Variants in IRX4 observed in about 807,000 individuals in gnomAD.
The protein encoded by IRX4 is iroquois homeobox 4.
Under a neutral mutation model 32.0 loss-of-function variants are expected in IRX4, and 22 were observed. That is an observed-to-expected ratio of 0.69 (90% CI 0.49 to 0.98). The LOEUF is 0.98. IRX4 is among the 50% of genes least tolerant of loss of function. IRX4 has a pLI of 0.00. For missense variants in IRX4, 840 were observed against 744.2 expected, an observed-to-expected ratio of 1.13 and a Z score of -1.50; for synonymous variants, 379 against 351.7, an observed-to-expected ratio of 1.08 and a Z score of -0.87.
At chr5:1,881,462 T>C (rs1336390124) in intron 2 of IRX4, among the ~76,000 whole-genome samples, 1 of 148,208 alleles carries the variant, frequency 6.7e-6, no homozygotes, top group African/African-American at 2.5e-5. Flanking sequence ...GCCAGGAGCC[T>C]GAAGGAGGCG....
At position 1,882,654 on chromosome 5, in the gene IRX4, C is replaced by T. The variant is rs994684778; in HGVS notation, c.-7G>A. 6.5e-6 allele frequency: 9 copies of T among 1,390,920 alleles called. No individual in the cohort carries two copies. In the Admixed American group the frequency reaches 2.5e-4, roughly 39 times the overall value. 86.2% of individuals were successfully genotyped at this position (1,390,920 alleles called of 1,614,324 possible). On this transcript the variant is annotated 5_prime_UTR_variant, in exon 1 of 5. Coordinates refer to ENST00000231357, the MANE Select transcript of IRX4 (RefSeq NM_016358.3). ...CAAACTGCGGGTAGGACATGGCGGGCGCGGCCCGGGGCGGACGGGCGGGGC... is the reference window on the plus strand; with the variant it reads ...CAAACTGCGGGTAGGACATGGCGGGTGCGGCCCGGGGCGGACGGGCGGGGC...
rs1362711623 is a variant in IRX4, at chr5:1,882,037, A to G, written c.68T>C (p.Leu23Pro). Residue 23 changes from leucine (L) to proline (P), a missense_variant, in exon 2 of 5, where the codon CTG becomes CCG. Transcript: ENST00000231357. Reference protein sequence around the residue: ...APQFLMATNSLSTCCESGGRT... With the variant: ...APQFLMATNSPSTCCESGGRT... ...GCCTCCGGACTCGCAGCACGTGCTC[A>G]GGGAGTTGGTGGCCATCAAGAACTG... The G allele has an allele frequency of 1.3e-6, 2 of 1,552,642 alleles. No homozygotes were observed. The highest frequency in any genetic ancestry group is 1.9e-5 in the Admixed American group (1 of 51,282).
In IRX4 at chr5:1,877,948, T is replaced by A; in HGVS notation, c.*21A>T. 3 of 1,493,840 alleles carry A rather than the reference T, an allele frequency of 2.0e-6. No individual in the cohort carries two copies. Among genetic ancestry groups the A allele is most frequent in the Non-Finnish European group, 2.7e-6 (3 of 1,125,030 alleles). The allele number at this position is 1,493,840 out of a possible 1,614,324, so 92.5% of individuals were successfully genotyped here. A position where few individuals can be genotyped will look rare whatever the true frequency, so the allele number is the denominator to read the frequency against. Reference sequence around the variant, plus strand: ...GTCCGCCTGAGCGCGGGTTCCCTCCTGGGCTCGGGACCCGCCCGCCTCAGG... The same window carrying A: ...GTCCGCCTGAGCGCGGGTTCCCTCCAGGGCTCGGGACCCGCCCGCCTCAGG... On this transcript the variant is annotated 3_prime_UTR_variant, in exon 5 of 5. Coordinates refer to ENST00000231357, the MANE Select transcript of IRX4 (RefSeq NM_016358.3).
rs958434655 is a variant in IRX4, at chr5:1,878,696, G to A, written c.833C>T (p.Pro278Leu). 3 of 1,610,888 alleles carry A rather than the reference G, an allele frequency of 1.9e-6. No homozygotes were observed. The highest frequency in any genetic ancestry group is 8.5e-7 in the Non-Finnish European group (1 of 1,179,290). Residue 278 changes from proline to leucine, a missense_variant, in exon 5 of 5, where the codon CCC (proline) becomes CTC (leucine). Pro to Leu is a moderately conservative substitution (Grantham distance 98). Coordinates refer to ENST00000231357, the MANE Select transcript of IRX4 (RefSeq NM_016358.3). ...CAGACCGCCGTCCAGGGAGTGGAAG[G>A]GCGGCTTCAGCTCGCACGCCGGCGG... Reference protein sequence around the residue: ...AEPPACELKPPFHSLDGGLER... With the variant: ...AEPPACELKPLFHSLDGGLER...
Position 1,879,954 on chromosome 5 carries a change from G to C in IRX4, c.408-122C>G, listed in dbSNP as rs1021434121. On this transcript the variant is annotated intron_variant, in intron 3 of 4. Transcript: ENST00000231357. ...GGCTTTGCTTCCCCGTCGTGGGGTT[G>C]TGGTCATGGTCATAAGGCCCAGGTA... 9.2e-6 allele frequency: 14 copies of C among 1,516,466 alleles called. No individual in the cohort carries two copies. In the Admixed American group the frequency reaches 2.0e-4, roughly 22 times the overall value. 93.9% of individuals were successfully genotyped at this position (1,516,466 alleles called of 1,614,324 possible).
chr5:1,878,900 C>T (rs1561134940), intron 4 of IRX4, 108 bp from the exon 5 acceptor site: 1 of 1,143,908 alleles, frequency 8.7e-7, no homozygotes, highest in Non-Finnish European at 1.3e-6. Context: ...ACGAAAAGCA[C>T]TCGGGGCCTC....
At chr5:1,878,837 G>C in intron 4 of IRX4, 45 bp from the exon 5 acceptor site, 1 of 1,590,246 alleles carries the variant, frequency 6.3e-7, no homozygotes, top group Non-Finnish European at 8.6e-7. Flanking sequence ...GGGTTGGTAG[G>C]TGAATCAGAC....
rs561786759 is a variant in IRX4, at chr5:1,879,555, C to G, written c.685G>C (p.Gly229Arg). 1.9e-5 allele frequency: 31 copies of G among 1,597,082 alleles called. No homozygotes were observed. The African/African-American group carries it at 2.9e-4, about 15-fold the overall frequency. The change falls in exon 4 of 5, where the codon GGG becomes CGG. Residue 229 changes from glycine to arginine, a missense_variant. Transcript: ENST00000231357. ...TCCTCCCGCGCCTCCTCCTCGCCCC[C>G]CTCCTCCTCCTCGCCCTCCGCGTAG... Reference protein sequence around the residue: ...RPYAEGEEEEGGEEEAREEPL... With the variant: ...RPYAEGEEEERGEEEAREEPL...
chr5:1,877,713 T>C lies in IRX4; in HGVS notation c.*256A>G. On this transcript the variant is annotated 3_prime_UTR_variant, in exon 5 of 5. Coordinates refer to ENST00000231357, the MANE Select transcript of IRX4 (RefSeq NM_016358.3). ...TTATGCTTCAGGGTATCTGGCCTCTTCTGCTCCGAGAGCCTCTCCTTCCGC... is the reference window on the plus strand; with the variant it reads ...TTATGCTTCAGGGTATCTGGCCTCTCCTGCTCCGAGAGCCTCTCCTTCCGC... The C allele has an allele frequency of 1.9e-6, 1 of 516,602 alleles. No homozygotes were observed. The highest frequency in any genetic ancestry group is 3.4e-6 in the Non-Finnish European group (1 of 296,408). 32.0% of individuals were successfully genotyped at this position (516,602 alleles called of 1,614,324 possible).
chr5:1,882,307 G>A (rs916258018), intron 1 of IRX4, among the ~76,000 whole-genome samples: 10 of 152,188 alleles, frequency 6.6e-5, no homozygotes, highest in African/African-American at 2.2e-4. Flanking sequence ...CCATTTGCGC[G>A]CCAAGCCTCC....
intron 2 of IRX4, among the ~76,000 whole-genome samples, 197 bp downstream of exon 2, chr5:1,881,610 GC>G (rs1735440985): frequency 6.6e-6 from 1 of 151,378 alleles, no homozygotes; most frequent in African/African-American, 2.4e-5. Flanking sequence ...GTGGCCACCT[GC>G]CGGGTCATCT....
At chr5:1,880,210 G>A in intron 3 of IRX4, 2 of 1,285,660 alleles carry the variant, frequency 1.6e-6, no homozygotes, top group Non-Finnish European at 2.2e-6. Context: ...TGGCAGGAAG[G>A]GTCATTACTG....
chr5:1,882,659 C>A lies in IRX4; in HGVS notation c.-12G>T, dbSNP rs978810079. On this transcript the variant is annotated 5_prime_UTR_variant, in exon 1 of 5. Coordinates refer to ENST00000231357, the MANE Select transcript of IRX4 (RefSeq NM_016358.3). ...TGCGGGTAGGACATGGCGGGCGCGG[C>A]CCGGGGCGGACGGGCGGGGCCTGCA... 2.2e-6 allele frequency: 3 copies of A among 1,385,468 alleles called. No homozygotes were observed. The Admixed American group carries it at 1.1e-4, about 51-fold the overall frequency. The allele number at this position is 1,385,468 out of a possible 1,614,324, so 85.8% of individuals were successfully genotyped here.
At chr5:1,879,969 A>T in intron 3 of IRX4, 137 bp from the exon 4 acceptor site, 1 of 1,497,196 alleles carries the variant, frequency 6.7e-7, no homozygotes, top group South Asian at 1.2e-5. Flanking sequence ...CATGGTCATA[A>T]GGCCCAGGTA....
intron 1 of IRX4, 101 bp from the exon 2 acceptor site, chr5:1,882,160 T>C (rs1381841056): frequency 3.6e-6 from 5 of 1,392,008 alleles, no homozygotes; most frequent in East Asian, 2.6e-5. Flanking sequence ...GTGCCCCGAG[T>C]ACCCCCGGGC....
Position 1,881,798 on chromosome 5 carries a change from C to T in IRX4, c.297+10G>A. On this transcript the variant is annotated intron_variant, in intron 2 of 4. Transcript: ENST00000231357. ...AGGGGCAGGGCAAGGGCTAGGGATG[C>T]CCCACTTACCAGCGAGTAGAAGGCG... is the stretch of plus-strand genomic sequence containing the variant. 6.4e-7 allele frequency: 1 copy of T among 1,568,112 alleles called. No homozygotes were observed. Among genetic ancestry groups the T allele is most frequent in the Non-Finnish European group, 8.6e-7 (1 of 1,157,370 alleles).
intron 4 of IRX4, 123 bp from the exon 5 acceptor site, chr5:1,878,915 C>A: frequency 9.9e-7 from 1 of 1,012,780 alleles, no homozygotes; most frequent in Non-Finnish European, 1.5e-6. Flanking sequence ...GGCCTCTCTT[C>A]GCGTCTCCCA....
Position 1,880,831 on chromosome 5 carries a change from T to C in IRX4, c.301A>G (p.Ser101Gly). The change falls in exon 3 of 5, where the codon AGC (serine) becomes GGC (glycine). Residue 101 changes from serine to glycine, a missense_variant. Transcript: ENST00000231357. ...SEASAFYSLN[S>G]FDSKDGSGSA... ...CCCGAACCATCCTTGGAATCAAAGC[T>C]GTTCTGTGGGAGCCAAGAGTCTGGG... 1 of 1,613,116 alleles carries C rather than the reference T, an allele frequency of 6.2e-7. No homozygotes were observed. The highest frequency in any genetic ancestry group is 1.7e-4 in the Middle Eastern group (1 of 6,060).
At chr5:1,884,496 T>A (rs1260904826), upstream of IRX4, 1 of 152,248 alleles carries the variant, frequency 6.6e-6, no homozygotes, top group Non-Finnish European at 1.5e-5. Context: ...ATACGAGTTC[T>A]CCGATCGCGT....
Sources: allele counts gnomAD v4.1 joint callset (sites outside exome capture counted in the v4.1 genomes callset), GRCh38; gene constraint gnomAD v4.1.1; transcripts MANE v1.5; gene names NCBI Gene and HGNC (gene_info 2026-07-23, HGNC 2026-07-21).